TLR6: variants seen among roughly 807,000 people sequenced by gnomAD.
The protein encoded by TLR6 is toll-like receptor 6.
In TLR6, 9 loss-of-function variants were observed where a neutral mutation model predicts 16.1. The observed-to-expected ratio is 0.56, with a 90% CI of 0.34 to 0.98. TLR6 has a LOEUF of 0.98. Ranked by LOEUF, TLR6 falls within the 50% of genes least tolerant of loss-of-function variation. TLR6 has a pLI of 0.02. For missense variants in TLR6, 786 were observed against 921.0 expected (o/e 0.85, Z 1.90); for synonymous variants, 340 against 338.6 (o/e 1.00, Z -0.04).
chr4:38,847,248 C>G (rs1469421922), intron 1 of TLR6, among the ~76,000 whole-genome samples: 1 of 152,114 alleles, frequency 6.6e-6, no homozygotes, highest in Admixed American at 6.6e-5. Flanking sequence ...AATCAATATT[C>G]CACCCCAAGG....
rs1217323863 is a variant in TLR6, at chr4:38,842,260, G to C, written c.-64-12723C>G. ...AATATGAGAGGGATCAATCCTTTTG[G>C]GAGGGCAGATGAGGACTGGAATGAG... On this transcript the variant is annotated intron_variant, in intron 1 of 1. Transcript: ENST00000436693. 2.0e-5 allele frequency among the ~76,000 whole-genome samples: 3 copies of C among 152,272 alleles called. No homozygotes were observed. In the East Asian group the frequency reaches 5.8e-4, roughly 29 times the overall value.
intron 1 of TLR6, among the ~76,000 whole-genome samples, chr4:38,849,841 T>C (rs1712694491): frequency 6.6e-6 from 1 of 152,028 alleles, no homozygotes; most frequent in African/African-American, 2.4e-5. Context: ...GACAGAAAGT[T>C]AACAAGGATA....
At chr4:38,840,931 G>A (rs1191061823) in intron 1 of TLR6, among the ~76,000 whole-genome samples, 1 of 152,170 alleles carries the variant, frequency 6.6e-6, no homozygotes, top group Non-Finnish European at 1.5e-5. Context: ...TATTTGTTGT[G>A]ATGCAAGACT....
chr4:38,841,688 G>A (rs1712270685), intron 1 of TLR6, among the ~76,000 whole-genome samples: 1 of 152,180 alleles, frequency 6.6e-6, no homozygotes, highest in Non-Finnish European at 1.5e-5. Flanking sequence ...TATATATGCG[G>A]TGGTGACCCA....
chr4:38,841,385 G>A (rs934528187), intron 1 of TLR6, among the ~76,000 whole-genome samples: 2 of 152,114 alleles, frequency 1.3e-5, no homozygotes, highest in Non-Finnish European at 2.9e-5. Flanking sequence ...GAGCTCTGGG[G>A]TTTGAGACCA....
In TLR6 at chr4:38,828,796, A is replaced by AAT; in HGVS notation, c.677_678insAT (p.Asn227LeufsTer5). On this transcript the variant is annotated frameshift_variant, in exon 2 of 2. Coordinates refer to ENST00000436693, the Ensembl canonical transcript of TLR6. LOFTEE classifies it low-confidence loss of function (END_TRUNC). Reference sequence around the variant, plus strand: ...AGTTGTCATCATTCAATTTAATATTAGTCAGTTGTAAGCACCCTAAAGTAT... The same window carrying AAT: ...AGTTGTCATCATTCAATTTAATATTAATGTCAGTTGTAAGCACCCTAAAGTAT... 1 of 1,613,918 alleles carries AAT rather than the reference A, an allele frequency of 6.2e-7. No homozygotes were observed. Among genetic ancestry groups the AAT allele is most frequent in the Non-Finnish European group, 8.5e-7 (1 of 1,179,886 alleles).
At chr4:38,833,040 G>A (rs1366554481) in intron 1 of TLR6, among the ~76,000 whole-genome samples, 2 of 152,060 alleles carry the variant, frequency 1.3e-5, no homozygotes, top group Non-Finnish European at 2.9e-5. Context: ...CACACAGGGT[G>A]TGGCACATGC....
chr4:38,832,520 G>C (rs1057064729), intron 1 of TLR6, among the ~76,000 whole-genome samples: 3 of 152,144 alleles, frequency 2.0e-5, no homozygotes, highest in African/African-American at 7.2e-5. Flanking sequence ...TGGAATATAT[G>C]CAATCACATT....
chr4:38,858,880 AAAGAAAGAGAGAAAGAAAGAAAGAAAAG>A (rs1412396220), upstream of TLR6, among the ~76,000 whole-genome samples: 36 of 101,270 alleles, frequency 3.6e-4, no homozygotes, highest in African/African-American at 1.2e-3. Flanking sequence ...AGAAAGAAAG[AAAGAAAGAGAGAAAGAAAGAAAGAAAAG>A]AAAGAAAGAA....
the TLR6 span, among the ~76,000 whole-genome samples, chr4:38,866,451 C>G: frequency 3.3e-5 from 5 of 151,858 alleles, no homozygotes; most frequent in South Asian, 8.3e-4. Context: ...TGAGATCACG[C>G]CACTGCTTTC....
upstream of TLR6, among the ~76,000 whole-genome samples, chr4:38,858,890 AGAAAGAAAGAAAG>A (rs1713128833): frequency 4.5e-5 from 2 of 44,534 alleles, no homozygotes; most frequent in Non-Finnish European, 8.7e-5. Context: ...AAAGAAAGAG[AGAAAGAAAGAAAG>A]AAAAGAAAGA....
chr4:38,848,971 T>C (rs138994954), intron 1 of TLR6, among the ~76,000 whole-genome samples: 4,738 of 152,034 alleles, frequency 0.031, 217 homozygotes, highest in African/African-American at 0.087. Context: ...CCAAGACACA[T>C]AATTGTCAGA....
At chr4:38,861,506 C>T (rs897889756), upstream of TLR6, among the ~76,000 whole-genome samples, 1 of 152,206 alleles carries the variant, frequency 6.6e-6, no homozygotes, top group African/African-American at 2.4e-5. Context: ...CATGCTCCAT[C>T]CTCTTCATTA....
chr4:38,858,832 G>GAGA (rs1713114931), upstream of TLR6, among the ~76,000 whole-genome samples: 2 of 50,866 alleles, frequency 3.9e-5, no homozygotes, highest in Non-Finnish European at 6.5e-5. Flanking sequence ...AGAGAGAGAG[G>GAGA]AAGAAAGAAA....
chr4:38,839,127 G>A (rs117734346), intron 1 of TLR6, among the ~76,000 whole-genome samples: 33 of 125,912 alleles, frequency 2.6e-4, no homozygotes, highest in African/African-American at 9.5e-4. Context: ...GGGGAGGAAG[G>A]GAGGGAAGGG....
At chr4:38,847,131 A>T (rs1375693497) in intron 1 of TLR6, among the ~76,000 whole-genome samples, 1 of 152,332 alleles carries the variant, frequency 6.6e-6, no homozygotes, top group East Asian at 1.9e-4. Context: ...ATAAAGGTGA[A>T]AAATTCACTT....
chr4:38,863,189 C>T, the TLR6 span, among the ~76,000 whole-genome samples: 2 of 152,120 alleles, frequency 1.3e-5, no homozygotes, highest in Admixed American at 6.6e-5. Context: ...CTATTAGCAG[C>T]GTTTAACACA....
chr4:38,840,933 T>G (rs1440067206), intron 1 of TLR6, among the ~76,000 whole-genome samples: 1 of 152,226 alleles, frequency 6.6e-6, no homozygotes, highest in Non-Finnish European at 1.5e-5. Flanking sequence ...TTTGTTGTGA[T>G]GCAAGACTTT....
At position 38,842,344 on chromosome 4, in the gene TLR6, T is replaced by C. The variant is rs150471547; in HGVS notation, c.-64-12807A>G. Among the ~76,000 whole-genome samples, 421 of 152,320 alleles carry C rather than the reference T, an allele frequency of 2.8e-3. 8 individuals carry two copies. The East Asian group carries it at 0.05, about 18-fold the overall frequency. On this transcript the variant is annotated intron_variant, in intron 1 of 1. Transcript: ENST00000436693. ...TCCCTCCACCTTCATGAATTGGACCTGACCAAAACTAGCCATAAGTGGCCT... is the reference window on the plus strand; with the variant it reads ...TCCCTCCACCTTCATGAATTGGACCCGACCAAAACTAGCCATAAGTGGCCT...
Sources: allele counts gnomAD v4.1 joint callset (sites outside exome capture counted in the v4.1 genomes callset), GRCh38; gene constraint gnomAD v4.1.1; transcripts MANE v1.5; gene names NCBI Gene and HGNC (gene_info 2026-07-23, HGNC 2026-07-21).